PARPBP: variants seen among roughly 807,000 people sequenced by gnomAD.
PARPBP encodes the protein PARP1 binding protein.
PARPBP carries 52 observed loss-of-function variants against 50.0 expected under a neutral mutation model. The observed-to-expected ratio is 1.04, with a 90% confidence interval of 0.83 to 1.31. The LOEUF is 1.31. Ranked by LOEUF, PARPBP falls within the 50% of genes most tolerant of loss-of-function variation. The probability of loss-of-function intolerance (pLI) is 0.00; values close to 1 mark genes in which losing one functional copy is unlikely to be tolerated. For missense variants in PARPBP, 697 were observed against 672.0 expected (o/e 1.04, Z -0.41); for synonymous variants, 244 against 232.1 (o/e 1.05, Z -0.47).
At chr12:102,151,946 A>G in intron 3 of PARPBP, 1 of 615,160 alleles carries the variant, frequency 1.6e-6, no homozygotes, top group South Asian at 2.0e-5. Flanking sequence ...AAGTCCAGGC[A>G]TCTCAGAGAA....
chr12:102,150,644 G>A (rs1425563315), intron 3 of PARPBP, among the ~76,000 whole-genome samples: 1 of 152,184 alleles, frequency 6.6e-6, no homozygotes, highest in East Asian at 1.9e-4. Flanking sequence ...GATTGTAACT[G>A]GAGACTAAGT....
At chr12:102,155,635 G>A (rs1261590856) in intron 4 of PARPBP, among the ~76,000 whole-genome samples, 3 of 147,764 alleles carry the variant, frequency 2.0e-5, no homozygotes, top group Non-Finnish European at 4.5e-5. Context: ...TATAAACCCA[G>A]GCATTCGAGC....
intron 2 of PARPBP, 53 bp downstream of exon 2, chr12:102,124,094 CT>C: frequency 8.3e-7 from 1 of 1,199,090 alleles, no homozygotes; most frequent in Non-Finnish European, 1.2e-6. Context: ...AATTTCATTG[CT>C]GCCCATTTGA....
chr12:102,144,640 G>T (rs948010291), intron 2 of PARPBP, among the ~76,000 whole-genome samples: 6 of 152,120 alleles, frequency 3.9e-5, no homozygotes, highest in Admixed American at 3.3e-4. Flanking sequence ...ATAGTCAAAA[G>T]GGTAAGAATA....
At chr12:102,120,371 A>C (rs1218107612) in intron 1 of PARPBP, 85 bp downstream of exon 1, 3 of 444,230 alleles carry the variant, frequency 6.8e-6, no homozygotes, top group Non-Finnish European at 1.4e-5. Context: ...TTTGCACTGT[A>C]ATACCTCGGT....
chr12:102,138,277 G>A (rs190126077), intron 2 of PARPBP, among the ~76,000 whole-genome samples: 1 of 152,128 alleles, frequency 6.6e-6, no homozygotes, highest in African/African-American at 2.4e-5. Context: ...ATTTTTTCTT[G>A]TGTCTTTTGG....
intron 8 of PARPBP, among the ~76,000 whole-genome samples, chr12:102,181,624 C>T (rs1486896730): frequency 6.6e-6 from 1 of 152,102 alleles, no homozygotes; most frequent in Non-Finnish European, 1.5e-5. Flanking sequence ...CAGCACATGA[C>T]CGTATTATAA....
chr12:102,180,787 A>G (rs1162687481), intron 8 of PARPBP, among the ~76,000 whole-genome samples: 2 of 152,210 alleles, frequency 1.3e-5, no homozygotes, highest in East Asian at 3.8e-4. Context: ...CTGCATTCGC[A>G]TTTCTAATTG....
At chr12:102,183,299 T>TTTA (rs2137005537) in intron 9 of PARPBP, among the ~76,000 whole-genome samples, 1 of 152,284 alleles carries the variant, frequency 6.6e-6, no homozygotes, top group Admixed American at 6.5e-5. Flanking sequence ...AAATAAGATT[T>TTTA]TTATATAAAA....
intron 2 of PARPBP, among the ~76,000 whole-genome samples, chr12:102,147,871 C>A (rs925541686): frequency 1.3e-5 from 2 of 151,916 alleles, no homozygotes; most frequent in African/African-American, 4.8e-5. Context: ...TAAAAAGAAT[C>A]AAAATTTTCC....
chr12:102,160,590 A>C (rs1310260608), intron 4 of PARPBP, among the ~76,000 whole-genome samples: 3 of 152,256 alleles, frequency 2.0e-5, no homozygotes, highest in Admixed American at 2.0e-4. Flanking sequence ...GGAAACTCAT[A>C]TTATAGACTT....
At chr12:102,144,853 T>C (rs763938108) in intron 2 of PARPBP, among the ~76,000 whole-genome samples, 2 of 152,150 alleles carry the variant, frequency 1.3e-5, no homozygotes, top group African/African-American at 2.4e-5. Flanking sequence ...TTTGGTACAA[T>C]GCTGGAAAAT....
Position 102,195,948 on chromosome 12 carries a change from CAG to C in PARPBP, c.1400_1401del, listed in dbSNP as rs774571679. The C allele has an allele frequency of 2.6e-6, 4 of 1,558,714 alleles. No individual in the cohort carries two copies. Among genetic ancestry groups the C allele is most frequent in the Middle Eastern group, 3.4e-4 (2 of 5,836 alleles). On this transcript the variant is annotated splice_acceptor_variant, in intron 10 of 10. Transcript: ENST00000327680. LOFTEE classifies it high-confidence loss of function. The stretch of plus-strand genomic sequence containing the variant: ...CCTTTCCCCTTTTTATCTTGCATAA[CAG>C]AGGGTGTAAATCCATCTGTTGGAAG...
chr12:102,195,397 A>G lies in PARPBP; in HGVS notation c.1349A>G (p.Asn450Ser). The G allele has an allele frequency of 6.3e-7, 1 of 1,594,716 alleles. No individual in the cohort carries two copies. The highest frequency in any genetic ancestry group is 8.6e-7 in the Non-Finnish European group (1 of 1,167,262). Residue 450 changes from asparagine to serine, a missense_variant, in exon 10 of 11, where the codon AAT (asparagine) becomes AGT (serine). Asn to Ser is a conservative substitution (Grantham distance 46). Coordinates refer to ENST00000327680, the MANE Select transcript of PARPBP (RefSeq NM_017915.5). ...MISKDNWNNVNLASKPLCVLY... is the reference protein window; with the variant it reads ...MISKDNWNNVSLASKPLCVLY... ...AGCAAGGATAATTGGAATAATGTTAATTTAGCATCAAAGCCTTTGTGTGTT... is the reference window on the plus strand; with the variant it reads ...AGCAAGGATAATTGGAATAATGTTAGTTTAGCATCAAAGCCTTTGTGTGTT...
intron 4 of PARPBP, among the ~76,000 whole-genome samples, chr12:102,154,198 T>C (rs1417158867): frequency 6.6e-6 from 1 of 152,302 alleles, no homozygotes; most frequent in African/African-American, 2.4e-5. Context: ...TGAACAAAAA[T>C]AGTTATCATT....
intron 2 of PARPBP, among the ~76,000 whole-genome samples, 164 bp from the exon 3 acceptor site, chr12:102,148,066 T>A: frequency 6.6e-6 from 1 of 152,204 alleles, no homozygotes; most frequent in Non-Finnish European, 1.5e-5. Flanking sequence ...ATATCTGGTT[T>A]CCAAAATTGT....
At chr12:102,126,846 A>G (rs1453759691) in intron 2 of PARPBP, among the ~76,000 whole-genome samples, 3 of 152,130 alleles carry the variant, frequency 2.0e-5, no homozygotes, top group African/African-American at 7.2e-5. Context: ...TCCATCCAAC[A>G]TTATTTTCAA....
Position 102,197,373 on chromosome 12 carries a change from T to C in PARPBP, c.*1082T>C, listed in dbSNP as rs1340122020. The C allele has an allele frequency of 6.1e-6, 5 of 821,250 alleles. No individual in the cohort carries two copies. The highest frequency in any genetic ancestry group is 1.9e-6 in the Non-Finnish European group (1 of 528,226). The allele number at this position is 821,250 out of a possible 1,614,324, so 50.9% of individuals were successfully genotyped here. ...GCTGGGATGGAAGAACTACCTGGCATGTAAGAAATATCGTCAGTCGTCCTA... is the reference window on the plus strand; with the variant it reads ...GCTGGGATGGAAGAACTACCTGGCACGTAAGAAATATCGTCAGTCGTCCTA... On this transcript the variant is annotated 3_prime_UTR_variant, in exon 11 of 11. Transcript: ENST00000327680.
chr12:102,143,428 G>A (rs999033770), intron 2 of PARPBP, among the ~76,000 whole-genome samples: 6 of 152,284 alleles, frequency 3.9e-5, no homozygotes, highest in South Asian at 4.1e-4. Context: ...GACCCCTTGC[G>A]CTTCCCGGGT....
Sources: gnomAD v4.1 joint callset for allele counts (sites outside exome capture counted in the v4.1 genomes callset) on GRCh38, gnomAD v4.1.1 for gene constraint, MANE v1.5 for transcripts, NCBI Gene and HGNC (gene_info 2026-07-23, HGNC 2026-07-21) for gene names.